PRLR: variants seen among roughly 807,000 people sequenced by gnomAD.
The protein encoded by PRLR is hPRL receptor.
A neutral mutation model predicts 40.2 loss-of-function variants in PRLR; 13 were observed. That is an observed-to-expected ratio of 0.32 (90% CI 0.21 to 0.51). The LOEUF (loss-of-function observed/expected upper bound fraction) is 0.51. Ranked by LOEUF, PRLR falls within the 20% of genes least tolerant of loss-of-function variation. The pLI is 0.97. For synonymous variants in PRLR, 269 were observed against 278.7 expected (o/e 0.97, Z 0.35); for missense variants, 656 against 747.3 (o/e 0.88, Z 1.42).
rs191640581 is a variant in PRLR at position 35,198,085 on chromosome 5, C to G, written c.-106+32183G>C. Among the ~76,000 whole-genome samples the G allele has an allele frequency of 2.0e-3, 304 of 152,350 alleles. 1 individual carries two copies. Among genetic ancestry groups the G allele is most frequent in the African/African-American group, 6.6e-3 (273 of 41,574 alleles). ...TATCTTTCAGCCTCCCTCAGATTCCCCAGCGACAGGGCAGCATCCTGGGCA... is the reference window on the plus strand; with the variant it reads ...TATCTTTCAGCCTCCCTCAGATTCCGCAGCGACAGGGCAGCATCCTGGGCA... On this transcript the variant is annotated intron_variant, in intron 1 of 9. Coordinates refer to ENST00000618457, the MANE Select transcript of PRLR (RefSeq NM_000949.7).
rs199958866 is a variant in PRLR at position 35,078,359 on chromosome 5, T to C, written c.374-5615A>G. 5.7e-4 allele frequency among the ~76,000 whole-genome samples: 87 copies of C among 152,098 alleles called. 2 individuals carry two copies. The East Asian group carries it at 0.015, about 27-fold the overall frequency. ...AAAATGAAATACATGCAATAAAAAA[T>C]GATAAAGGGGATATCACCACCAATC... is the stretch of plus-strand genomic sequence containing the variant. On this transcript the variant is annotated intron_variant, in intron 5 of 9. Transcript: ENST00000618457.
intron 2 of PRLR, among the ~76,000 whole-genome samples, chr5:35,105,528 C>T (rs1297952474): frequency 1.3e-5 from 2 of 152,044 alleles, no homozygotes; most frequent in Admixed American, 6.6e-5. Context: ...ATAGAGAAGA[C>T]CTTAAATGAC....
chr5:35,104,060 T>C lies in PRLR; in HGVS notation c.-44+14001A>G, dbSNP rs764841549. Among the ~76,000 whole-genome samples, 33 of 152,144 alleles carry C rather than the reference T, an allele frequency of 2.2e-4. 1 individual carries two copies. Among genetic ancestry groups the C allele is most frequent in the Non-Finnish European group, 4.6e-4 (31 of 68,018 alleles). ...AGATTGTGTTCACTTTTATATCCCGTACAGTTCAAAAGAGGGGTTCCCTGC... is the reference window on the plus strand; with the variant it reads ...AGATTGTGTTCACTTTTATATCCCGCACAGTTCAAAAGAGGGGTTCCCTGC... On this transcript the variant is annotated intron_variant, in intron 2 of 9. Coordinates refer to ENST00000618457, the MANE Select transcript of PRLR (RefSeq NM_000949.7).
At chr5:35,183,555 G>A (rs541044941) in intron 1 of PRLR, among the ~76,000 whole-genome samples, 1 of 152,300 alleles carries the variant, frequency 6.6e-6, no homozygotes, top group African/African-American at 2.4e-5. Context: ...CATGATCCGA[G>A]GTCCTGAGTC....
intron 7 of PRLR, among the ~76,000 whole-genome samples, chr5:35,069,286 A>G (rs559514963): frequency 1.3e-5 from 2 of 152,350 alleles, no homozygotes; most frequent in African/African-American, 4.8e-5. Context: ...AGAAAGATTT[A>G]CCAATGGCCA....
At chr5:35,049,734 T>C (rs1450725997) in intron 8 of PRLR, among the ~76,000 whole-genome samples, 1 of 152,174 alleles carries the variant, frequency 6.6e-6, no homozygotes, top group Non-Finnish European at 1.5e-5. Context: ...GTATTTTCTC[T>C]AGCATCCTAG....
rs189255235 is a variant in PRLR, at chr5:35,201,884, T to A, written c.-106+28384A>T. ...ACCCCAAAACCTCTGTTATCATGGA[T>A]ATTAATTTTTCAGTTTCAGACTTGG... On this transcript the variant is annotated intron_variant, in intron 1 of 9. Coordinates refer to ENST00000618457, the MANE Select transcript of PRLR (RefSeq NM_000949.7). Among the ~76,000 whole-genome samples the A allele has an allele frequency of 4.3e-3, 660 of 152,282 alleles. 6 individuals carry two copies. Among genetic ancestry groups the A allele is most frequent in the African/African-American group, 0.015 (633 of 41,556 alleles).
chr5:35,176,268 C>G (rs1392174575), intron 1 of PRLR, among the ~76,000 whole-genome samples: 2 of 152,128 alleles, frequency 1.3e-5, no homozygotes, highest in Non-Finnish European at 2.9e-5. Flanking sequence ...AGTTACTAAT[C>G]TGCTTCAAAA....
rs1225648732 is a variant in PRLR, at chr5:35,083,755, T to C, written c.373+715A>G. On this transcript the variant is annotated intron_variant, in intron 5 of 9. Transcript: ENST00000618457. ...GGCTGGTCTTGAACTCTTGATCTTATGATCTGCCTGTCTTAGCCTCCCAAA... is the reference window on the plus strand; with the variant it reads ...GGCTGGTCTTGAACTCTTGATCTTACGATCTGCCTGTCTTAGCCTCCCAAA... 6.9e-5 allele frequency among the ~76,000 whole-genome samples: 10 copies of C among 144,252 alleles called. No homozygotes were observed. In the East Asian group the frequency reaches 1.2e-3, roughly 17 times the overall value. The allele number at this position is 144,252 out of a possible 152,430, so 94.6% of individuals were successfully genotyped here. A position where few individuals can be genotyped will look rare whatever the true frequency, so the allele number is the denominator to read the frequency against.
chr5:35,049,510 CCATAA>C (rs1484737917), intron 8 of PRLR: 6 of 626,634 alleles, frequency 9.6e-6, no homozygotes, highest in African/African-American at 9.2e-5. Flanking sequence ...ATTCGGATTA[CCATAA>C]CATAATATGT....
At chr5:35,200,422 C>A (rs1449336684) in intron 1 of PRLR, among the ~76,000 whole-genome samples, 1 of 152,194 alleles carries the variant, frequency 6.6e-6, no homozygotes, top group Non-Finnish European at 1.5e-5. Flanking sequence ...CTCAATCTAC[C>A]TGGTTTGTTG....
At chr5:35,200,582 C>T (rs540263145) in intron 1 of PRLR, among the ~76,000 whole-genome samples, 6 of 152,282 alleles carry the variant, frequency 3.9e-5, no homozygotes, top group African/African-American at 1.4e-4. Context: ...TTTTCTTAAC[C>T]AAGCTGTCCT....
intron 5 of PRLR, among the ~76,000 whole-genome samples, chr5:35,083,041 ATAT>A (rs1417748000): frequency 6.0e-5 from 9 of 151,254 alleles, no homozygotes; most frequent in Non-Finnish European, 1.2e-4. Context: ...TTGCCTTCAA[ATAT>A]TATAATGCTT....
intron 2 of PRLR, among the ~76,000 whole-genome samples, chr5:35,096,625 CT>C (rs563600576): frequency 1.7e-3 from 239 of 144,746 alleles, no homozygotes; most frequent in Admixed American, 2.1e-3. Context: ...TCTTTACTTT[CT>C]TTTTTTTTTT....
At position 35,056,421 on chromosome 5, in the gene PRLR, C is replaced by T. The variant is rs1768719529; in HGVS notation, c.*8668G>A. On this transcript the variant is annotated 3_prime_UTR_variant, in exon 10 of 10. Transcript: ENST00000618457. ...AATAATTCTATTTCTTATCCTTCTCCCTAGTCCCCCCACTGCTCCCTTACC... is the reference window on the plus strand; with the variant it reads ...AATAATTCTATTTCTTATCCTTCTCTCTAGTCCCCCCACTGCTCCCTTACC... The T allele has an allele frequency of 6.6e-6, 1 of 152,056 alleles. No individual in the cohort carries two copies. The highest frequency in any genetic ancestry group is 1.5e-5 in the Non-Finnish European group (1 of 68,000). The allele number at this position is 152,056 out of a possible 1,614,324, so 9.4% of individuals were successfully genotyped here.
intron 1 of PRLR, among the ~76,000 whole-genome samples, chr5:35,182,008 TG>T (rs1282514313): frequency 1.3e-5 from 2 of 152,108 alleles, no homozygotes; most frequent in Non-Finnish European, 2.9e-5. Context: ...CTGCATTTGT[TG>T]ATGATTTTTT....
chr5:35,072,243 T>C (rs1170117492), intron 6 of PRLR, among the ~76,000 whole-genome samples: 1 of 152,158 alleles, frequency 6.6e-6, no homozygotes, highest in South Asian at 2.1e-4. Flanking sequence ...CCATTGACTA[T>C]GGACGGGATA....
chr5:35,153,960 C>T (rs1303731175), intron 1 of PRLR, among the ~76,000 whole-genome samples: 1 of 152,090 alleles, frequency 6.6e-6, no homozygotes, highest in South Asian at 2.1e-4. Flanking sequence ...CAGAAAGAGC[C>T]CACTGGACAG....
intron 1 of PRLR, among the ~76,000 whole-genome samples, chr5:35,199,898 C>T (rs1265371412): frequency 2.0e-5 from 3 of 152,170 alleles, no homozygotes; most frequent in East Asian, 3.8e-4. Flanking sequence ...GGAAAAAATG[C>T]TCTGATAAAC....
Sources: allele counts gnomAD v4.1 joint callset (sites outside exome capture counted in the v4.1 genomes callset), GRCh38; gene constraint gnomAD v4.1.1; transcripts MANE v1.5; gene names NCBI Gene and HGNC (gene_info 2026-07-23, HGNC 2026-07-21).